The following GALNT7 variants were observed in gnomAD, a reference collection of about 807,000 sequenced individuals.
The protein encoded by GALNT7 is N-acetylgalactosaminyltransferase 7.
A neutral mutation model predicts 82.1 loss-of-function variants in GALNT7; 60 were observed. The ratio of observed to expected loss-of-function variants is 0.73; its 90% CI spans 0.59 to 0.91. The LOEUF (loss-of-function observed/expected upper bound fraction) is 0.91. GALNT7 is among the 40% of genes least tolerant of loss of function. The pLI is 0.00. For missense variants in GALNT7, 660 were observed against 804.2 expected, an observed-to-expected ratio of 0.82 and a Z score of 2.17; for synonymous variants, 243 against 275.1, an observed-to-expected ratio of 0.88 and a Z score of 1.15.
chr4:173,211,125 C>T (rs1256158786), intron 1 of GALNT7, among the ~76,000 whole-genome samples: 1 of 152,052 alleles, frequency 6.6e-6, no homozygotes, highest in Non-Finnish European at 1.5e-5. Context: ...TCAATAGCTA[C>T]ATATGAAATC....
At chr4:173,201,009 C>T (rs1239333974) in intron 1 of GALNT7, among the ~76,000 whole-genome samples, 2 of 152,144 alleles carry the variant, frequency 1.3e-5, no homozygotes, top group African/African-American at 4.8e-5. Context: ...AGTCAACCTT[C>T]AAGATCTGTG....
chr4:173,277,047 T>A (rs991211352), intron 2 of GALNT7, among the ~76,000 whole-genome samples: 2 of 145,614 alleles, frequency 1.4e-5, no homozygotes, highest in African/African-American at 4.9e-5. Flanking sequence ...GATTGATAGA[T>A]TGATTGATTA....
At chr4:173,187,416 C>G (rs1732495025) in intron 1 of GALNT7, among the ~76,000 whole-genome samples, 2 of 148,808 alleles carry the variant, frequency 1.3e-5, no homozygotes, top group South Asian at 4.2e-4. Context: ...CTGGGAATTA[C>G]AGATCTGAAA....
chr4:173,212,073 G>A (rs1316068140), intron 1 of GALNT7, among the ~76,000 whole-genome samples: 1 of 152,170 alleles, frequency 6.6e-6, no homozygotes, highest in African/African-American at 2.4e-5. Flanking sequence ...ACATGGTGCT[G>A]ACAAGGACAG....
At chr4:173,214,298 A>C (rs1376097825) in intron 1 of GALNT7, among the ~76,000 whole-genome samples, 2 of 152,088 alleles carry the variant, frequency 1.3e-5, no homozygotes, top group South Asian at 4.1e-4. Flanking sequence ...TAAAAAAAAA[A>C]AAAACCCTTA....
At chr4:173,284,760 C>G (rs552879301) in intron 2 of GALNT7, among the ~76,000 whole-genome samples, 2 of 151,430 alleles carry the variant, frequency 1.3e-5, no homozygotes, top group African/African-American at 4.9e-5. Flanking sequence ...TTTCATTAGC[C>G]CTTATTACTA....
At position 173,292,408 on chromosome 4, in the gene GALNT7, C is replaced by T. The variant is rs1736578264; in HGVS notation, c.754+134C>T. ...ATAGCATCTGTTATCAACAAGTTGA[C>T]ACTGTGCCAAGCATTGTATGTGAGT... On this transcript the variant is annotated intron_variant, in intron 3 of 11. Coordinates refer to ENST00000265000, the MANE Select transcript of GALNT7 (RefSeq NM_017423.3). The surrounding 1 kb of genome is among the most constrained non-coding windows in gnomAD (Gnocchi z 4.8). 3.4e-6 allele frequency: 2 copies of T among 588,268 alleles called. No individual in the cohort carries two copies. Among genetic ancestry groups the T allele is most frequent in the Non-Finnish European group, 6.0e-6 (2 of 333,736 alleles). 36.4% of individuals were successfully genotyped at this position (588,268 alleles called of 1,614,324 possible).
chr4:173,177,781 G>C (rs1256621149), intron 1 of GALNT7, among the ~76,000 whole-genome samples: 1 of 152,180 alleles, frequency 6.6e-6, no homozygotes, highest in East Asian at 1.9e-4. Flanking sequence ...AGGGACTACA[G>C]CAGCATCATC....
intron 1 of GALNT7, among the ~76,000 whole-genome samples, chr4:173,225,048 TA>T (rs1162167839): frequency 1.4e-4 from 20 of 147,596 alleles, no homozygotes; most frequent in African/African-American, 3.3e-4. Context: ...ATAATAATAA[TA>T]ATTATAATTA....
At chr4:173,220,690 C>T (rs569307465) in intron 1 of GALNT7, among the ~76,000 whole-genome samples, 3 of 134,286 alleles carry the variant, frequency 2.2e-5, no homozygotes, top group Admixed American at 8.4e-5. Flanking sequence ...TGTGATGTTC[C>T]CCTTCCTGTG....
intron 1 of GALNT7, among the ~76,000 whole-genome samples, chr4:173,208,581 C>CA (rs1170163334): frequency 2.4e-4 from 36 of 152,242 alleles, no homozygotes; most frequent in African/African-American, 8.2e-4. Context: ...GGAGTTTCTT[C>CA]TTCCTCCATA....
intron 2 of GALNT7, chr4:173,268,228 C>G (rs943938928): frequency 1.3e-5 from 2 of 154,300 alleles, no homozygotes; most frequent in Middle Eastern, 5.7e-4. Context: ...ACTTTTGCAC[C>G]AACCTAACCT....
At chr4:173,223,023 A>C (rs968102708) in intron 1 of GALNT7, among the ~76,000 whole-genome samples, 13 of 152,202 alleles carry the variant, frequency 8.5e-5, no homozygotes, top group East Asian at 7.7e-4. Flanking sequence ...AATCCTAAAA[A>C]AAAATTTCAT....
intron 2 of GALNT7, among the ~76,000 whole-genome samples, chr4:173,264,252 G>T (rs140257690): frequency 1.9e-4 from 29 of 152,260 alleles, no homozygotes; most frequent in African/African-American, 6.7e-4. Flanking sequence ...GGAATCAGAA[G>T]AATTCACCCA....
rs577402778 is a variant in GALNT7 at position 173,322,542 on chromosome 4, G to A, written c.*825G>A. ...TACCTACTTCTAGGATTGCAAAGGAGTCTTCCAACTAGAGAAAAATTGTCC... is the reference window on the plus strand; with the variant it reads ...TACCTACTTCTAGGATTGCAAAGGAATCTTCCAACTAGAGAAAAATTGTCC... On this transcript the variant is annotated 3_prime_UTR_variant, in exon 12 of 12. Coordinates refer to ENST00000265000, the MANE Select transcript of GALNT7 (RefSeq NM_017423.3). 1 of 152,256 alleles carries A rather than the reference G, an allele frequency of 6.6e-6. No individual in the cohort carries two copies. Among genetic ancestry groups the A allele is most frequent in the Admixed American group, 6.5e-5 (1 of 15,278 alleles). The allele number at this position is 152,256 out of a possible 1,614,324, so 9.4% of individuals were successfully genotyped here.
At chr4:173,219,419 A>G (rs1733569624) in intron 1 of GALNT7, among the ~76,000 whole-genome samples, 1 of 152,038 alleles carries the variant, frequency 6.6e-6, no homozygotes, top group African/African-American at 2.4e-5. Context: ...GGCTGGTTCC[A>G]TGTTTTTGCA....
intron 1 of GALNT7, among the ~76,000 whole-genome samples, chr4:173,222,222 A>G (rs1231892504): frequency 2.0e-5 from 3 of 152,072 alleles, no homozygotes; most frequent in Non-Finnish European, 4.4e-5. Flanking sequence ...TCTATACCAC[A>G]TATTTATGCT....
At chr4:173,195,748 G>A (rs1732753086) in intron 1 of GALNT7, among the ~76,000 whole-genome samples, 2 of 152,134 alleles carry the variant, frequency 1.3e-5, no homozygotes, top group African/African-American at 4.8e-5. Context: ...CCATGAGACA[G>A]GTAAAGGAAT....
chr4:173,313,416 C>G (rs1276927677), intron 8 of GALNT7, among the ~76,000 whole-genome samples: 1 of 150,894 alleles, frequency 6.6e-6, no homozygotes, highest in Non-Finnish European at 1.5e-5. Flanking sequence ...AAAAAAATAA[C>G]AAAAATTAGC....
Sources: gnomAD v4.1 joint callset for allele counts (sites outside exome capture counted in the v4.1 genomes callset) on GRCh38, gnomAD v4.1.1 for gene constraint, Gnocchi (gnomAD v3.1) non-coding constraint, MANE v1.5 for transcripts, NCBI Gene and HGNC (gene_info 2026-07-23, HGNC 2026-07-21) for gene names.